The following ABLIM2 variants were observed in gnomAD, a reference collection of about 807,000 sequenced individuals.
ABLIM2 encodes actin-binding LIM protein 2.
ABLIM2 carries 53 observed loss-of-function variants against 97.7 expected under a neutral mutation model. The ratio of observed to expected loss-of-function variants is 0.54; its 90% CI spans 0.44 to 0.68. The LOEUF is 0.68. Ranked by LOEUF, ABLIM2 falls within the 30% of genes least tolerant of loss-of-function variation. The probability of loss-of-function intolerance (pLI) is 0.00; values close to 1 mark genes in which losing one functional copy is unlikely to be tolerated. For synonymous variants in ABLIM2, 361 were observed against 345.8 expected (o/e 1.04, Z -0.49); for missense variants, 835 against 867.2 (o/e 0.96, Z 0.47).
At chr4:8,059,837 T>G (rs1335540453) in intron 7 of ABLIM2, among the ~76,000 whole-genome samples, 2 of 145,570 alleles carry the variant, frequency 1.4e-5, no homozygotes, top group Admixed American at 7.1e-5. Context: ...ACCCAGGAGG[T>G]GGAGGTTGCA....
intron 2 of ABLIM2, among the ~76,000 whole-genome samples, chr4:8,104,428 G>T (rs1310880927): frequency 6.6e-6 from 1 of 152,228 alleles, no homozygotes; most frequent in Non-Finnish European, 1.5e-5. Flanking sequence ...GGATGCCAGG[G>T]TGCTATGGGG....
Position 8,085,326 on chromosome 4 carries a change from C to T in ABLIM2, c.454+2843G>A, listed in dbSNP as rs1822715661. On this transcript the variant is annotated intron_variant, in intron 4 of 20. Coordinates refer to ENST00000447017, the MANE Select transcript of ABLIM2 (RefSeq NM_001130083.2). This position sits in a 1 kb window ranked among gnomAD's most constrained non-coding sequence, Gnocchi z 6.1. ...ACATTCTGGACTGACTTGACTCTAC[C>T]CCACTCCACAACCATCTATTGCTCC... Among the ~76,000 whole-genome samples, 1 of 152,182 alleles carries T rather than the reference C, an allele frequency of 6.6e-6. No individual in the cohort carries two copies. Among genetic ancestry groups the T allele is most frequent in the Non-Finnish European group, 1.5e-5 (1 of 68,026 alleles).
intron 2 of ABLIM2, among the ~76,000 whole-genome samples, chr4:8,099,462 G>A (rs1302487493): frequency 6.6e-6 from 1 of 152,198 alleles, no homozygotes; most frequent in Non-Finnish European, 1.5e-5. Context: ...CCAGGCAAGT[G>A]AGCATGTCCA....
Position 8,155,806 on chromosome 4 carries a change from G to C in ABLIM2, c.10+2874C>G, listed in dbSNP as rs1253227334. On this transcript the variant is annotated intron_variant, in intron 1 of 20. Coordinates refer to ENST00000447017, the MANE Select transcript of ABLIM2 (RefSeq NM_001130083.2). This position sits in a 1 kb window ranked among gnomAD's most constrained non-coding sequence, Gnocchi z 4.2. Reference sequence around the variant, plus strand: ...ACACACAAAGGGAAGACGGGGCGAGGACACAGACACACACAAAGGGAAGAC... The same window carrying C: ...ACACACAAAGGGAAGACGGGGCGAGCACACAGACACACACAAAGGGAAGAC... Among the ~76,000 whole-genome samples the C allele has an allele frequency of 6.6e-6, 1 of 151,818 alleles. No individual in the cohort carries two copies. The highest frequency in any genetic ancestry group is 2.4e-5 in the African/African-American group (1 of 41,368).
intron 6 of ABLIM2, among the ~76,000 whole-genome samples, chr4:8,063,595 C>G (rs993498283): frequency 6.6e-6 from 1 of 152,248 alleles, no homozygotes; most frequent in African/African-American, 2.4e-5. Flanking sequence ...AGTCCAGGAG[C>G]CTGGCCCCCG....
chr4:8,016,090 G>C (rs1404224568), intron 14 of ABLIM2, among the ~76,000 whole-genome samples: 1 of 131,496 alleles, frequency 7.6e-6, no homozygotes, highest in Non-Finnish European at 1.5e-5. Context: ...TGTCGCCCAG[G>C]CTGGAGTGCA....
At chr4:8,106,812 C>T (rs1016198493) in intron 1 of ABLIM2, among the ~76,000 whole-genome samples, 175 bp from the exon 2 acceptor site, 30 of 152,234 alleles carry the variant, frequency 2.0e-4, no homozygotes, top group African/African-American at 7.0e-4. Flanking sequence ...TGGGGACCCA[C>T]AGGAGTCAGA....
intron 1 of ABLIM2, among the ~76,000 whole-genome samples, chr4:8,137,836 A>G (rs1157066056): frequency 6.6e-6 from 1 of 152,252 alleles, no homozygotes; most frequent in Non-Finnish European, 1.5e-5. Context: ...AAAGAACAGA[A>G]AGCAGGCTCC....
intron 20 of ABLIM2, among the ~76,000 whole-genome samples, chr4:7,972,425 C>G (rs1728888887): frequency 6.6e-6 from 1 of 152,250 alleles, no homozygotes; most frequent in Non-Finnish European, 1.5e-5. Context: ...GCTCACCAAG[C>G]AGGCCCTGGG....
Position 8,044,015 on chromosome 4 carries a change from T to C in ABLIM2, c.900+1149A>G, listed in dbSNP as rs1790494429. ...TGCCACTCACTCTCCAGGCCAGCAG[T>C]GCGTCATGGTAACTGAGGACTCGTG... On this transcript the variant is annotated intron_variant, in intron 9 of 20. Transcript: ENST00000447017. The surrounding 1 kb of genome is among the most constrained non-coding windows in gnomAD (Gnocchi z 4.4). Among the ~76,000 whole-genome samples, 3 of 152,174 alleles carry C rather than the reference T, an allele frequency of 2.0e-5. 1 individual carries two copies. Among genetic ancestry groups the C allele is most frequent in the Admixed American group, 2.0e-4 (3 of 15,284 alleles).
rs1472570876 is a variant in ABLIM2, at chr4:8,043,427, C to T, written c.900+1737G>A. ...TGGTATTATGGACTGAACTGTGTCT[C>T]CCCGAATTCCTGTGTTGGTAAAGTC... is the stretch of plus-strand genomic sequence containing the variant. On this transcript the variant is annotated intron_variant, in intron 9 of 20. Coordinates refer to ENST00000447017, the MANE Select transcript of ABLIM2 (RefSeq NM_001130083.2). This position sits in a 1 kb window ranked among gnomAD's most constrained non-coding sequence, Gnocchi z 4.8. Among the ~76,000 whole-genome samples the T allele has an allele frequency of 6.6e-6, 1 of 152,118 alleles. No individual in the cohort carries two copies. The highest frequency in any genetic ancestry group is 1.5e-5 in the Non-Finnish European group (1 of 68,024).
rs1771917265 is a variant in ABLIM2 at position 8,019,416 on chromosome 4, G to T, written c.1423+202C>A. Among the ~76,000 whole-genome samples the T allele has an allele frequency of 6.6e-6, 1 of 152,194 alleles. No homozygotes were observed. The highest frequency in any genetic ancestry group is 1.5e-5 in the Non-Finnish European group (1 of 68,040). On this transcript the variant is annotated intron_variant, in intron 14 of 20. Coordinates refer to ENST00000447017, the MANE Select transcript of ABLIM2 (RefSeq NM_001130083.2). This position sits in a 1 kb window ranked among gnomAD's most constrained non-coding sequence, Gnocchi z 4.3. ...GTAACGCACAGAAGTTCCTTACTCA[G>T]ACATACCCTTCATCGTAATTTATCA... is the stretch of plus-strand genomic sequence containing the variant.
intron 20 of ABLIM2, among the ~76,000 whole-genome samples, chr4:7,969,143 T>C (rs992091629): frequency 6.7e-6 from 1 of 149,108 alleles, no homozygotes; most frequent in South Asian, 2.1e-4. Context: ...AAAAAATAAA[T>C]AAAATAAAAT....
chr4:8,098,212 C>G (rs71603910), intron 2 of ABLIM2, among the ~76,000 whole-genome samples: 7,618 of 152,320 alleles, frequency 0.05, 245 homozygotes, highest in African/African-American at 0.086. Flanking sequence ...CCCCTGCAGC[C>G]CCAGCCCCTC....
chr4:7,978,704 C>G (rs1488595389), intron 20 of ABLIM2, among the ~76,000 whole-genome samples: 2 of 149,194 alleles, frequency 1.3e-5, no homozygotes, highest in Non-Finnish European at 3.0e-5. Context: ...GCCACCCACC[C>G]CACCAGTGAT....
In ABLIM2 at chr4:8,061,097, A is replaced by C; in HGVS notation, c.676-43T>G. ...AGCAGAATGTTTCTACTAAAGCCAG[A>C]AAGGTCGGCTGGGTCCCAGCGCCCG... is the stretch of plus-strand genomic sequence containing the variant. On this transcript the variant is annotated intron_variant, in intron 6 of 20. Transcript: ENST00000447017. The surrounding 1 kb of genome is among the most constrained non-coding windows in gnomAD (Gnocchi z 4.5). 10 of 1,541,478 alleles carry C rather than the reference A, an allele frequency of 6.5e-6. No homozygotes were observed. Among genetic ancestry groups the C allele is most frequent in the Non-Finnish European group, 8.8e-6 (10 of 1,137,644 alleles).
chr4:8,108,188 A>AGGG (rs531787507), intron 1 of ABLIM2, among the ~76,000 whole-genome samples: 1 of 152,232 alleles, frequency 6.6e-6, no homozygotes, highest in African/African-American at 2.4e-5. Context: ...TGGGGGACGC[A>AGGG]GGGGCAGAGG....
chr4:8,042,507 A>G (rs921677420), intron 9 of ABLIM2, among the ~76,000 whole-genome samples: 7 of 152,122 alleles, frequency 4.6e-5, no homozygotes, highest in African/African-American at 1.7e-4. Context: ...ATTTTGTCCA[A>G]TCATATTTCT....
At chr4:7,991,698 C>T (rs1748854313) in intron 17 of ABLIM2, among the ~76,000 whole-genome samples, 1 of 152,120 alleles carries the variant, frequency 6.6e-6, no homozygotes, top group Non-Finnish European at 1.5e-5. Flanking sequence ...AAGAGCAGTT[C>T]GTGGGGTGAG....
Sources: allele counts gnomAD v4.1 joint callset (sites outside exome capture counted in the v4.1 genomes callset), GRCh38; gene constraint gnomAD v4.1.1; non-coding constraint Gnocchi (gnomAD v3.1); transcripts MANE v1.5; gene names NCBI Gene and HGNC (gene_info 2026-07-23, HGNC 2026-07-21).